Variants in CUBN observed in about 807,000 individuals in gnomAD.
CUBN encodes 460 kDa receptor.
In CUBN, 282 loss-of-function variants were observed where a neutral mutation model predicts 405.3. That is an observed-to-expected ratio of 0.70 (90% confidence interval 0.63 to 0.77). The LOEUF is 0.77. Ranked by LOEUF, CUBN falls within the 30% of genes least tolerant of loss-of-function variation. The pLI is 0.00. For missense variants in CUBN, 4,514 were observed against 4,475.2 expected (o/e 1.01, Z -0.25); for synonymous variants, 1,684 against 1,617.0 (o/e 1.04, Z -0.99).
intron 40 of CUBN, among the ~76,000 whole-genome samples, chr10:16,929,552 T>C (rs1267862417): frequency 6.6e-6 from 1 of 152,192 alleles, no homozygotes; most frequent in Non-Finnish European, 1.5e-5. Context: ...TTAACCACTT[T>C]AGAAAATAAG....
intron 59 of CUBN, among the ~76,000 whole-genome samples, chr10:16,861,564 A>C (rs1181124617): frequency 1.3e-5 from 2 of 152,140 alleles, no homozygotes; most frequent in Non-Finnish European, 2.9e-5. Flanking sequence ...ACTGAACCCT[A>C]TAAGGTCATT....
In CUBN at chr10:17,062,950, C is replaced by T. The variant is rs1026754070; in HGVS notation, c.3139+2558G>A. Among the ~76,000 whole-genome samples the T allele has an allele frequency of 2.6e-5, 4 of 152,230 alleles. No individual in the cohort carries two copies. The South Asian group carries it at 6.2e-4, about 24-fold the overall frequency. ...TATTCTGCAGAAAATATCCAACATACGATGACACCTGAAAAGAATGAGTCC... is the reference window on the plus strand; with the variant it reads ...TATTCTGCAGAAAATATCCAACATATGATGACACCTGAAAAGAATGAGTCC... On this transcript the variant is annotated intron_variant, in intron 22 of 66. Transcript: ENST00000377833.
chr10:17,106,083 G>T (rs552489832), intron 10 of CUBN, among the ~76,000 whole-genome samples: 1 of 152,216 alleles, frequency 6.6e-6, no homozygotes, highest in African/African-American at 2.4e-5. Flanking sequence ...TCAGGAGTTC[G>T]AGACCAGCCT....
chr10:16,855,570 C>T (rs539728781), intron 59 of CUBN, among the ~76,000 whole-genome samples: 37 of 152,234 alleles, frequency 2.4e-4, no homozygotes, highest in African/African-American at 7.5e-4. Flanking sequence ...CAGCTTGGAA[C>T]GGAGGCAGGC....
intron 58 of CUBN, among the ~76,000 whole-genome samples, chr10:16,872,064 A>AAC (rs1840370724): frequency 6.7e-6 from 1 of 150,070 alleles, no homozygotes; most frequent in African/African-American, 2.5e-5. Context: ...ATCTCTACTA[A>AAC]ATATATATAT....
intron 24 of CUBN, among the ~76,000 whole-genome samples, chr10:17,045,449 TCCTAGGTTCAAGCGATTCTCCTG>T (rs1428751304): frequency 6.6e-6 from 1 of 150,424 alleles, no homozygotes; most frequent in East Asian, 2.0e-4. Flanking sequence ...AATTTCCACC[TCCTAGGTTCAAGCGATTCTCCTG>T]CCTCAGCCTC....
At chr10:16,897,600 C>T (rs1184827665) in intron 54 of CUBN, among the ~76,000 whole-genome samples, 1 of 152,134 alleles carries the variant, frequency 6.6e-6, no homozygotes, top group Non-Finnish European at 1.5e-5. Flanking sequence ...CTTTCTGTGA[C>T]TGGGACCCAT....
chr10:16,849,220 C>G (rs1445920352), intron 60 of CUBN, among the ~76,000 whole-genome samples: 2 of 152,108 alleles, frequency 1.3e-5, no homozygotes, highest in Non-Finnish European at 2.9e-5. Flanking sequence ...AAAGAATCCC[C>G]CTGCCCCTTG....
intron 17 of CUBN, 49 bp from the exon 18 acceptor site, chr10:17,072,020 G>A (rs549302518): frequency 8.0e-5 from 117 of 1,469,538 alleles, no homozygotes; most frequent in African/African-American, 4.8e-4. Context: ...AGAAACTTAC[G>A]TCGGCAATGG....
At chr10:16,849,031 A>T (rs1002678163) in intron 60 of CUBN, among the ~76,000 whole-genome samples, 3 of 152,018 alleles carry the variant, frequency 2.0e-5, no homozygotes, top group African/African-American at 7.2e-5. Flanking sequence ...GGAAAGGAGA[A>T]TTAAACTGGA....
intron 39 of CUBN, among the ~76,000 whole-genome samples, chr10:16,934,557 T>A (rs1487980036): frequency 1.3e-5 from 2 of 152,200 alleles, no homozygotes; most frequent in Non-Finnish European, 2.9e-5. Context: ...TGTGAAATAT[T>A]TCTTATCTTG....
At chr10:16,834,899 A>G (rs1471771554) in intron 64 of CUBN, 115 bp downstream of exon 64, 1 of 1,093,082 alleles carries the variant, frequency 9.1e-7, no homozygotes, top group African/African-American at 1.6e-5. Context: ...TGAATAAATT[A>G]ATGAAACAAA....
At chr10:16,904,298 G>A (rs1841494991) in intron 50 of CUBN, among the ~76,000 whole-genome samples, 183 bp from the exon 51 acceptor site, 1 of 152,186 alleles carries the variant, frequency 6.6e-6, no homozygotes, top group Non-Finnish European at 1.5e-5. Flanking sequence ...CTCCAAGGGG[G>A]TAAAACAAAC....
At chr10:17,123,483 A>G (rs771248814) in intron 5 of CUBN, 105 bp downstream of exon 5, 1 of 914,216 alleles carries the variant, frequency 1.1e-6, no homozygotes, top group Non-Finnish European at 1.8e-6. Context: ...GGGAGGCCAC[A>G]GAATCCTAGA....
chr10:17,096,399 C>T (rs913465347), intron 14 of CUBN, among the ~76,000 whole-genome samples: 1 of 151,980 alleles, frequency 6.6e-6, no homozygotes, highest in Admixed American at 6.6e-5. Flanking sequence ...CATTGTACAT[C>T]TTAAATATAT....
intron 28 of CUBN, among the ~76,000 whole-genome samples, chr10:17,006,095 G>A (rs1422479440): frequency 1.3e-5 from 2 of 152,180 alleles, no homozygotes; most frequent in African/African-American, 2.4e-5. Flanking sequence ...CCAGCCTCCA[G>A]GAGACAGCAC....
rs1837078407 is a variant in CUBN at position 17,122,878 on chromosome 10, A to T, written c.510T>A (p.Asp170Glu). The change falls in exon 6 of 67, where the codon GAT (aspartate) becomes GAA (glutamate). Residue 170 changes from aspartate to glutamate, a missense_variant. Physicochemically the swap from Asp to Glu is conservative, Grantham distance 45. Transcript: ENST00000377833. ...CTGAGTAAATCTCACATTCGTTAAC[A>T]TCAGCTGAGCAGAGAGGACCCTGTG... ...PQWKGPLCSA[D>E]VNECEIYSGT... The T allele has an allele frequency of 6.2e-7, 1 of 1,613,936 alleles. No homozygotes were observed. Among genetic ancestry groups the T allele is most frequent in the African/African-American group, 1.3e-5 (1 of 75,002 alleles).
At chr10:17,102,993 C>A (rs991603515) in intron 13 of CUBN, 132 bp downstream of exon 13, 1 of 693,794 alleles carries the variant, frequency 1.4e-6, no homozygotes, top group South Asian at 1.6e-5. Flanking sequence ...AATGGCACTC[C>A]GTACTTAGTA....
chr10:16,856,991 T>A (rs1554782692), intron 59 of CUBN, among the ~76,000 whole-genome samples: 1 of 152,226 alleles, frequency 6.6e-6, no homozygotes, highest in Non-Finnish European at 1.5e-5. Flanking sequence ...TACTGTAATT[T>A]ATAAAGCTGC....
Sources: allele counts gnomAD v4.1 joint callset (sites outside exome capture counted in the v4.1 genomes callset), GRCh38; gene constraint gnomAD v4.1.1; transcripts MANE v1.5; gene names NCBI Gene and HGNC (gene_info 2026-07-23, HGNC 2026-07-21).